The following ST3GAL2 variants were observed in gnomAD, a reference collection of about 807,000 sequenced individuals.
ST3GAL2 encodes the protein ST3 beta-galactoside alpha-2,3-sialyltransferase 2, also known as CMP-N-acetylneuraminate-beta-galactosamide-alpha-2,3-sialyltransferase 2.
ST3GAL2 carries 16 observed loss-of-function variants against 37.5 expected under a neutral mutation model. The ratio of observed to expected loss-of-function variants is 0.43; its 90% CI spans 0.29 to 0.65. The LOEUF (loss-of-function observed/expected upper bound fraction) is 0.65. Ranked by LOEUF, ST3GAL2 falls within the 30% of genes least tolerant of loss-of-function variation. The pLI is 0.17. For synonymous variants in ST3GAL2, 238 were observed against 202.9 expected (o/e 1.17, Z -1.47); for missense variants, 383 against 487.8 (o/e 0.79, Z 2.02).
chr16:70,423,723 C>G (rs1458125682), intron 1 of ST3GAL2, among the ~76,000 whole-genome samples: 2 of 144,290 alleles, frequency 1.4e-5, no homozygotes, highest in African/African-American at 5.3e-5. Context: ...TTTGCCCAGG[C>G]TGGAGTGCAA....
At chr16:70,416,879 C>G (rs911184463) in intron 1 of ST3GAL2, among the ~76,000 whole-genome samples, 1 of 152,148 alleles carries the variant, frequency 6.6e-6, no homozygotes, top group African/African-American at 2.4e-5. Flanking sequence ...GGCCCAGCAA[C>G]AAACACCTGG....
Position 70,415,378 on chromosome 16 carries a change from C to G in ST3GAL2, c.-1003-15845G>C, listed in dbSNP as rs184104021. Among the ~76,000 whole-genome samples, 3 of 151,904 alleles carry G rather than the reference C, an allele frequency of 2.0e-5. No individual in the cohort carries two copies. In the South Asian group the frequency reaches 6.2e-4, roughly 31 times the overall value. ...TCAAACTTACTAGATTACAGCCCTCCGGGCGGCACGGGGAAGGTCACAAGA... is the reference window on the plus strand; with the variant it reads ...TCAAACTTACTAGATTACAGCCCTCGGGGCGGCACGGGGAAGGTCACAAGA... On this transcript the variant is annotated intron_variant, in intron 1 of 6. Coordinates refer to ENST00000342907, the MANE Select transcript of ST3GAL2 (RefSeq NM_006927.4).
intron 6 of ST3GAL2, 80 bp from the exon 7 acceptor site, chr16:70,381,942 G>C (rs2047408980): frequency 1.9e-6 from 3 of 1,573,620 alleles, no homozygotes; most frequent in African/African-American, 2.7e-5. Context: ...TGACAGGGAG[G>C]AGAGGGGACG....
Position 70,395,729 on chromosome 16 carries a change from C to CTAA in ST3GAL2, c.340-557_340-555dup, listed in dbSNP as rs2047511405. 2.0e-5 allele frequency among the ~76,000 whole-genome samples: 3 copies of CTAA among 152,310 alleles called. No homozygotes were observed. In the South Asian group the frequency reaches 6.2e-4, roughly 32 times the overall value. ...TACCAGCGAGACCTGTACCAACCAACTAATGGTCAAAGACCATGAAACGAG... is the reference window on the plus strand; with the variant it reads ...TACCAGCGAGACCTGTACCAACCAACTAATAATGGTCAAAGACCATGAAACGAG... On this transcript the variant is annotated intron_variant, in intron 2 of 6. Transcript: ENST00000342907.
At position 70,376,511 on chromosome 16, in the gene ST3GAL2, G is replaced by A. The variant is rs1399971702; in HGVS notation, c.*5178C>T. 6.6e-6 allele frequency: 1 copy of A among 152,098 alleles called. No individual in the cohort carries two copies. The highest frequency in any genetic ancestry group is 1.5e-5 in the Non-Finnish European group (1 of 68,012). 9.4% of individuals were successfully genotyped at this position (152,098 alleles called of 1,614,324 possible). On this transcript the variant is annotated 3_prime_UTR_variant, in exon 7 of 7. Coordinates refer to ENST00000342907, the MANE Select transcript of ST3GAL2 (RefSeq NM_006927.4). ...AAGCCTCACAGAGGCGGGAGAGGGG[G>A]ACCTCCTCTTGGATTTTGTGGGTTG...
At position 70,383,056 on chromosome 16, in the gene ST3GAL2, C is replaced by A. The variant is rs540566893; in HGVS notation, c.760-132G>T. The A allele has an allele frequency of 3.2e-6, 5 of 1,582,228 alleles. No individual in the cohort carries two copies. The East Asian group carries it at 1.1e-4, about 35-fold the overall frequency. Reference sequence around the variant, plus strand: ...TGTCTCCTGAATCGTGTGGCACCTGCTAGGGTCAGGCATCTCGGCAGATGG... The same window carrying A: ...TGTCTCCTGAATCGTGTGGCACCTGATAGGGTCAGGCATCTCGGCAGATGG... On this transcript the variant is annotated intron_variant, in intron 5 of 6. Coordinates refer to ENST00000342907, the MANE Select transcript of ST3GAL2 (RefSeq NM_006927.4).
At chr16:70,410,813 T>G (rs1054841273) in intron 1 of ST3GAL2, among the ~76,000 whole-genome samples, 10 of 150,480 alleles carry the variant, frequency 6.6e-5, no homozygotes, top group African/African-American at 2.2e-4. Flanking sequence ...ATCCTGTTTT[T>G]TTTTTTTTTT....
At position 70,409,727 on chromosome 16, in the gene ST3GAL2, A is replaced by C. The variant is rs560188822; in HGVS notation, c.-1003-10194T>G. On this transcript the variant is annotated intron_variant, in intron 1 of 6. Transcript: ENST00000342907. ...GCAATCACAGTTGACTGTAGACTCG[A>C]CCACCTGGGCTCAAATGATCCTACC... 2.7e-5 allele frequency among the ~76,000 whole-genome samples: 4 copies of C among 150,850 alleles called. No homozygotes were observed. In the East Asian group the frequency reaches 7.8e-4, roughly 29 times the overall value.
chr16:70,405,985 C>T (rs1011977595), intron 1 of ST3GAL2, among the ~76,000 whole-genome samples: 3 of 150,114 alleles, frequency 2.0e-5, no homozygotes, highest in Admixed American at 6.7e-5. Flanking sequence ...GGCGTGAACC[C>T]GGGAGGCAGA....
Position 70,398,836 on chromosome 16 carries a change from G to T in ST3GAL2, c.-306C>A. ...CTCCTGCCACCCTGGTGAGGGGGAG[G>T]TCAGTCCATTGCAGCCCTCTAGTCC... On this transcript the variant is annotated 5_prime_UTR_variant, in exon 2 of 7. Transcript: ENST00000342907. The T allele has an allele frequency of 1.8e-6, 1 of 561,332 alleles. No individual in the cohort carries two copies. Among genetic ancestry groups the T allele is most frequent in the Non-Finnish European group, 3.2e-6 (1 of 316,572 alleles). The allele number at this position is 561,332 out of a possible 1,614,324, so 34.8% of individuals were successfully genotyped here.
intron 1 of ST3GAL2, among the ~76,000 whole-genome samples, chr16:70,402,246 G>A (rs893928213): frequency 7.6e-6 from 1 of 131,200 alleles, no homozygotes; most frequent in African/African-American, 3.0e-5. Context: ...TCGTGCCAAT[G>A]CACTCTAGCC....
intron 1 of ST3GAL2, among the ~76,000 whole-genome samples, chr16:70,417,782 G>A (rs923435943): frequency 3.3e-5 from 5 of 151,540 alleles, no homozygotes; most frequent in South Asian, 2.1e-4. Context: ...GCCAGAGAGG[G>A]TCTGGAGTGT....
intron 1 of ST3GAL2, among the ~76,000 whole-genome samples, chr16:70,414,222 G>A (rs1447377027): frequency 6.6e-6 from 1 of 152,174 alleles, no homozygotes; most frequent in Non-Finnish European, 1.5e-5. Flanking sequence ...TCTCTAACAA[G>A]ATTCATAGAA....
At chr16:70,382,752 C>T in intron 6 of ST3GAL2, 53 bp downstream of exon 6, 1 of 1,610,956 alleles carries the variant, frequency 6.2e-7, no homozygotes, top group South Asian at 1.1e-5. Context: ...CCGAGAAGGC[C>T]TGCACTCCTC....
chr16:70,436,008 C>G (rs1483115401), intron 1 of ST3GAL2, among the ~76,000 whole-genome samples: 2 of 151,258 alleles, frequency 1.3e-5, no homozygotes, highest in Non-Finnish European at 2.9e-5. Context: ...TACCTATAAT[C>G]CCAGCTACTT....
At position 70,398,800 on chromosome 16, in the gene ST3GAL2, A is replaced by G. The variant is rs1423703620; in HGVS notation, c.-270T>C. On this transcript the variant is annotated 5_prime_UTR_variant, in exon 2 of 7. Coordinates refer to ENST00000342907, the MANE Select transcript of ST3GAL2 (RefSeq NM_006927.4). ...CTCTCCGTCACTAGCTAGGCCACAG[A>G]GGCTCTGCCTCTCCTGCCACCCTGG... The G allele has an allele frequency of 2.1e-5, 12 of 571,528 alleles. No individual in the cohort carries two copies. The highest frequency in any genetic ancestry group is 4.5e-4 in the Middle Eastern group (1 of 2,204). 35.4% of individuals were successfully genotyped at this position (571,528 alleles called of 1,614,324 possible). A position where few individuals can be genotyped will look rare whatever the true frequency, so the allele number is the denominator to read the frequency against.
chr16:70,420,018 C>CA (rs892499115), intron 1 of ST3GAL2, among the ~76,000 whole-genome samples: 12 of 148,708 alleles, frequency 8.1e-5, no homozygotes, highest in Non-Finnish European at 8.9e-5. Context: ...TTGACCCCCC[C>CA]CTTCCCTTTT....
chr16:70,376,825 T>C lies in ST3GAL2; in HGVS notation c.*4864A>G, dbSNP rs557036067. On this transcript the variant is annotated 3_prime_UTR_variant, in exon 7 of 7. Transcript: ENST00000342907. The stretch of plus-strand genomic sequence containing the variant: ...TGGCTCAATCTCGGCTCACCACAAC[T>C]TCCACCTCCCAGGTTCAAGCAATTC... 7.0e-4 allele frequency: 107 copies of C among 151,780 alleles called. No homozygotes were observed. The highest frequency in any genetic ancestry group is 2.5e-3 in the African/African-American group (105 of 41,410). The allele number at this position is 151,780 out of a possible 1,614,324, so 9.4% of individuals were successfully genotyped here.
chr16:70,426,986 CA>C, intron 1 of ST3GAL2, among the ~76,000 whole-genome samples: 1 of 151,694 alleles, frequency 6.6e-6, no homozygotes, highest in Non-Finnish European at 1.5e-5. Context: ...TAGCCGGGAC[CA>C]CAGGTATGTA....
Sources: allele counts gnomAD v4.1 joint callset (sites outside exome capture counted in the v4.1 genomes callset), GRCh38; gene constraint gnomAD v4.1.1; transcripts MANE v1.5; gene names NCBI Gene and HGNC (gene_info 2026-07-23, HGNC 2026-07-21).